The following C1QBP variants were observed in gnomAD, a reference collection of about 807,000 sequenced individuals.
C1QBP encodes the protein complement C1q binding protein.
Under a neutral mutation model 29.4 loss-of-function variants are expected in C1QBP, and 24 were observed. That is an observed-to-expected ratio of 0.82 (90% CI 0.59 to 1.15). The LOEUF is 1.15. C1QBP is among the 50% of genes most tolerant of loss of function. C1QBP has a pLI of 0.00. For synonymous variants in C1QBP, 182 were observed against 149.2 expected (o/e 1.22, Z -1.60); for missense variants, 337 against 355.8 (o/e 0.95, Z 0.43).
At chr17:5,438,791 C>T (rs1356127397) in intron 1 of C1QBP, 51 bp downstream of exon 1, 6 of 1,545,910 alleles carry the variant, frequency 3.9e-6, no homozygotes, top group Non-Finnish European at 5.2e-6. Flanking sequence ...TCCTGGTCTA[C>T]GTTTTCCCTC....
intron 2 of C1QBP, among the ~76,000 whole-genome samples, chr17:5,437,876 A>C (rs1916317021): frequency 6.6e-6 from 1 of 152,234 alleles, no homozygotes; most frequent in Non-Finnish European, 1.5e-5. Flanking sequence ...TCAGAGATCA[A>C]ACTGATTCTG....
Position 5,438,113 on chromosome 17 carries a change from C to T in C1QBP, c.383+10G>A. ...AGTTGCTGCCCTGGGATCCCCAGACCAGTACTTACTTTTCCCCGGCAACTT... is the reference window on the plus strand; with the variant it reads ...AGTTGCTGCCCTGGGATCCCCAGACTAGTACTTACTTTTCCCCGGCAACTT... On this transcript the variant is annotated intron_variant, in intron 2 of 5. Coordinates refer to ENST00000225698, the MANE Select transcript of C1QBP (RefSeq NM_001212.4). The T allele has an allele frequency of 6.2e-7, 1 of 1,611,562 alleles. No individual in the cohort carries two copies. Among genetic ancestry groups the T allele is most frequent in the Middle Eastern group, 2.2e-4 (1 of 4,452 alleles).
At chr17:5,433,228 TC>T in intron 5 of C1QBP, 64 bp from the exon 6 acceptor site, 1 of 1,609,668 alleles carries the variant, frequency 6.2e-7, no homozygotes, top group Non-Finnish European at 8.5e-7. Context: ...TGCTTTTTTC[TC>T]CCCTTGAACT....
intron 1 of C1QBP, 89 bp downstream of exon 1, chr17:5,438,753 G>A: frequency 6.5e-7 from 1 of 1,542,116 alleles, no homozygotes; most frequent in Non-Finnish European, 8.7e-7. Context: ...AAATGTCCCA[G>A]ACCTCAGAGG....
intron 2 of C1QBP, among the ~76,000 whole-genome samples, chr17:5,436,492 A>G (rs865887374): frequency 4.0e-5 from 6 of 151,616 alleles, no homozygotes; most frequent in African/African-American, 1.5e-4. Context: ...TGACACTAAA[A>G]AAGCACAAGT....
intron 2 of C1QBP, among the ~76,000 whole-genome samples, chr17:5,436,532 A>C (rs1916275509): frequency 6.6e-6 from 1 of 151,646 alleles, no homozygotes; most frequent in Admixed American, 6.5e-5. Context: ...GCAAAGTAAA[A>C]AATAAATAAA....
At chr17:5,438,589 G>T in intron 1 of C1QBP, 1 of 801,186 alleles carries the variant, frequency 1.2e-6, no homozygotes. Context: ...CCTTCCCAAA[G>T]GTCCACTTTC....
chr17:5,433,620 C>G, intron 4 of C1QBP, 49 bp downstream of exon 4: 1 of 1,579,346 alleles, frequency 6.3e-7, no homozygotes. Context: ...TCCCAAGGGA[C>G]ACACTGTTCC....
intron 2 of C1QBP, 81 bp downstream of exon 2, chr17:5,438,042 A>C: frequency 6.6e-7 from 1 of 1,516,306 alleles, no homozygotes; most frequent in Non-Finnish European, 8.8e-7. Context: ...CCTGAACTCA[A>C]GGCTCTTCTG....
rs1916359782 is a variant in C1QBP, at chr17:5,439,147, G to A, written c.-74C>T. 7 of 1,518,966 alleles carry A rather than the reference G, an allele frequency of 4.6e-6. No individual in the cohort carries two copies. The highest frequency in any genetic ancestry group is 1.4e-5 in the African/African-American group (1 of 70,772). 94.1% of individuals were successfully genotyped at this position (1,518,966 alleles called of 1,614,324 possible). On this transcript the variant is annotated 5_prime_UTR_variant, in exon 1 of 6. Coordinates refer to ENST00000225698, the MANE Select transcript of C1QBP (RefSeq NM_001212.4). The stretch of plus-strand genomic sequence containing the variant: ...TAGGCGCCCCGCGACCTGAGGCGCC[G>A]CCGGAAGCCCCGCCCCTGCCCGGAA...
Position 5,432,856 on chromosome 17 carries a change from T to C in C1QBP, c.*159A>G. ...AATAGATTTGTACAGAAAAAAATGA[T>C]AATAAATGAGAACACAAAACATATA... is the stretch of plus-strand genomic sequence containing the variant. On this transcript the variant is annotated 3_prime_UTR_variant, in exon 6 of 6. Coordinates refer to ENST00000225698, the MANE Select transcript of C1QBP (RefSeq NM_001212.4). 1.0e-6 allele frequency: 1 copy of C among 974,308 alleles called. No homozygotes were observed. Among genetic ancestry groups the C allele is most frequent in the South Asian group, 2.0e-5 (1 of 50,024 alleles). The allele number at this position is 974,308 out of a possible 1,614,324, so 60.4% of individuals were successfully genotyped here. A position where few individuals can be genotyped will look rare whatever the true frequency, so the allele number is the denominator to read the frequency against.
chr17:5,439,109 G>T lies in C1QBP; in HGVS notation c.-36C>A, dbSNP rs1805437. 1,956 of 1,539,080 alleles carry T rather than the reference G, an allele frequency of 1.3e-3. 23 individuals are homozygous for T. In the African/African-American group the frequency reaches 0.025, roughly 19 times the overall value. ...ACTGCGAACACGTGCAGATGCAAAG[G>T]ACAACCCAGGCCTAGGCGCCCCGCG... On this transcript the variant is annotated 5_prime_UTR_variant, in exon 1 of 6. Coordinates refer to ENST00000225698, the MANE Select transcript of C1QBP (RefSeq NM_001212.4).
Position 5,433,125 on chromosome 17 carries a change from C to G in C1QBP, c.739G>C (p.Gly247Arg), listed in dbSNP as rs1394499137. 1 of 1,614,134 alleles carries G rather than the reference C, an allele frequency of 6.2e-7. No homozygotes were observed. Among genetic ancestry groups the G allele is most frequent in the South Asian group, 1.1e-5 (1 of 91,066 alleles). ...DHLMDFLADR[G>R]VDNTFADELV... ...TCATCTGCAAAAGTGTTGTCCACCC[C>G]TCGGTCGGCAAGGAAATCCATTAGG... Residue 247 changes from glycine (G) to arginine (R), a missense_variant, in exon 6 of 6, where the codon GGG becomes CGG. Physicochemically the swap from Gly to Arg is moderately radical, Grantham distance 125 (BLOSUM62 -2). Coordinates refer to ENST00000225698, the MANE Select transcript of C1QBP (RefSeq NM_001212.4).
At position 5,434,739 on chromosome 17, in the gene C1QBP, T is replaced by TA. The variant is rs34312464; in HGVS notation, c.477+133dup. 0.1 allele frequency: 70,348 copies of TA among 683,684 alleles called. 4,524 individuals carry two copies. Among genetic ancestry groups the TA allele is most frequent in the East Asian group, 0.2 (7,151 of 35,272 alleles). The allele number at this position is 683,684 out of a possible 1,614,324, so 42.4% of individuals were successfully genotyped here. A position where few individuals can be genotyped will look rare whatever the true frequency, so the allele number is the denominator to read the frequency against. On this transcript the variant is annotated intron_variant, in intron 3 of 5. Transcript: ENST00000225698. ...TCTCGGCCTCCCAAAGTGCTGGGAT[T>TA]ATAGGCGTGAGCCATGCGACTGGAC...
chr17:5,433,444 AGG>A (rs1916163959), intron 4 of C1QBP, 29 bp from the exon 5 acceptor site: 1 of 1,613,822 alleles, frequency 6.2e-7, no homozygotes, highest in Non-Finnish European at 8.5e-7. Context: ...GGGAAACTGA[AGG>A]GTTCTCCAGG....
chr17:5,438,450 G>A, intron 1 of C1QBP, 177 bp from the exon 2 acceptor site: 2 of 847,468 alleles, frequency 2.4e-6, no homozygotes, highest in Non-Finnish European at 3.5e-6. Flanking sequence ...AGGAAGCTGA[G>A]CCTGATTCTG....
At chr17:5,436,338 C>T (rs1300066471) in intron 2 of C1QBP, among the ~76,000 whole-genome samples, 1 of 151,206 alleles carries the variant, frequency 6.6e-6, no homozygotes, top group East Asian at 1.9e-4. Flanking sequence ...ACACACTATG[C>T]AACAGGCAAG....
chr17:5,438,128 C>T lies in C1QBP; in HGVS notation c.378G>A (p.Gly126=), dbSNP rs1384687595. 3.1e-6 allele frequency: 5 copies of T among 1,611,938 alleles called. No homozygotes were observed. The African/African-American group carries it at 4.0e-5, about 13-fold the overall frequency. Residue 126 remains glycine, a synonymous_variant, in exon 2 of 6, where the codon GGG becomes GGA. Transcript: ENST00000225698. Reference sequence around the variant, plus strand: ...ATCCCCAGACCAGTACTTACTTTTCCCCGGCAACTTTCCGCACTAATTTCG... The same window carrying T: ...ATCCCCAGACCAGTACTTACTTTTCTCCGGCAACTTTCCGCACTAATTTCG... The part of the protein sequence containing the change: ...TEAKLVRKVA[G]EKITVTFNIN...
At chr17:5,433,968 G>C in intron 3 of C1QBP, 1 of 599,080 alleles carries the variant, frequency 1.7e-6, no homozygotes, top group Non-Finnish European at 3.0e-6. Context: ...AACACACTGG[G>C]TTTTCAGTTA....
Sources: allele counts gnomAD v4.1 joint callset (sites outside exome capture counted in the v4.1 genomes callset), GRCh38; gene constraint gnomAD v4.1.1; transcripts MANE v1.5; gene names NCBI Gene and HGNC (gene_info 2026-07-23, HGNC 2026-07-21).